Variants in FGD5 observed in about 807,000 individuals in gnomAD.
The protein encoded by FGD5 is FYVE, RhoGEF and PH domain-containing protein 5.
FGD5 carries 28 observed loss-of-function variants against 133.4 expected under a neutral mutation model. The ratio of observed to expected loss-of-function variants is 0.21; its 90% confidence interval spans 0.16 to 0.29. FGD5 has a LOEUF of 0.29. FGD5 is among the 10% of genes least tolerant of loss of function. FGD5 has a pLI of 1.00. For synonymous variants in FGD5, 810 were observed against 776.5 expected (o/e 1.04, Z -0.72); for missense variants, 1,858 against 1,895.2 (o/e 0.98, Z 0.36).
At chr3:14,817,274 C>T (rs2036384507), upstream of FGD5, among the ~76,000 whole-genome samples, 1 of 143,520 alleles carries the variant, frequency 7.0e-6, no homozygotes, top group Non-Finnish European at 1.6e-5. Context: ...TGGCTTATTG[C>T]AACCTCTGTC....
rs71038439 is a variant in FGD5 at position 14,839,933 on chromosome 3, AAAACAAACAAAC to A, written c.2525+18359_2525+18370del. On this transcript the variant is annotated intron_variant, in intron 1 of 19. Transcript: ENST00000285046. ...GGGCAACTGAGCAAGACTGTCTCAA[AAAACAAACAAAC>A]AAACAAACAAACAAACAAACAGTGT... is the stretch of plus-strand genomic sequence containing the variant. Among the ~76,000 whole-genome samples, 115 of 149,664 alleles carry A rather than the reference AAAACAAACAAAC, an allele frequency of 7.7e-4. 1 individual carries two copies. Among genetic ancestry groups the A allele is most frequent in the Non-Finnish European group, 1.2e-3 (82 of 67,540 alleles).
rs773067439 is a variant in FGD5, at chr3:14,821,412, A to G, written c.2341A>G (p.Asn781Asp). Residue 781 changes from asparagine to aspartate, a missense_variant, in exon 1 of 20, where the codon AAC (asparagine) becomes GAC (aspartate). Asn to Asp is a conservative substitution (Grantham distance 23, BLOSUM62 1). Around this residue, in one of 3 missense-constraint regions of FGD5, gnomAD observed 1,824 missense variants for 1,848.9 expected, o/e 0.99. Transcript: ENST00000285046. ...TSDYENIPAM[N>D]SDYENIQIPP... ...AGACTATGAGAACATTCCAGCCATG[A>G]ACTCGGACTATGAGAATATCCAGAT... is the stretch of plus-strand genomic sequence containing the variant. 6.6e-5 allele frequency: 107 copies of G among 1,613,914 alleles called. No homozygotes were observed. The highest frequency in any genetic ancestry group is 2.5e-5 in the Non-Finnish European group (29 of 1,179,906).
chr3:14,924,057 C>T lies in FGD5; in HGVS notation c.3987C>T (p.Gly1329=), dbSNP rs2038741366. The T allele has an allele frequency of 4.3e-6, 7 of 1,614,058 alleles. No individual in the cohort carries two copies. Among genetic ancestry groups the T allele is most frequent in the Non-Finnish European group, 5.1e-6 (6 of 1,179,904 alleles). ...CGCTGTCTTCACCCCGCTTCTCGGG[C>T]AGTGCCTTTTCATCCGTCTTCCAGA... ...SFPLSSPRFS[G]SAFSSVFQSI... Residue 1329 remains glycine, a synonymous_variant, in exon 17 of 20, where the codon GGC becomes GGT. Coordinates refer to ENST00000285046, the MANE Select transcript of FGD5 (RefSeq NM_152536.4).
At chr3:14,812,144 G>A (rs114493535) in intron 1 of FGD5, among the ~76,000 whole-genome samples, 3,795 of 152,292 alleles carry the variant, frequency 0.025, 167 homozygotes, top group African/African-American at 0.084. Context: ...CTGGGAGTGT[G>A]GCAGCCACCT....
chr3:14,901,855 C>G (rs1367415377), intron 9 of FGD5, among the ~76,000 whole-genome samples: 1 of 152,184 alleles, frequency 6.6e-6, no homozygotes, highest in African/African-American at 2.4e-5. Context: ...AGTGGAGATA[C>G]AAGCCCTTGA....
intron 1 of FGD5, among the ~76,000 whole-genome samples, chr3:14,854,446 C>G (rs553205369): frequency 7.4e-5 from 10 of 134,890 alleles, no homozygotes; most frequent in African/African-American, 1.1e-4. Flanking sequence ...GAGACGAGCT[C>G]ACTCTGTCGC....
chr3:14,847,132 A>T (rs2037066385), intron 1 of FGD5, among the ~76,000 whole-genome samples: 1 of 152,154 alleles, frequency 6.6e-6, no homozygotes, highest in Admixed American at 6.5e-5. Flanking sequence ...CACCATACTG[A>T]TAAAGACTTT....
chr3:14,817,176 A>G (rs1318411591), upstream of FGD5, among the ~76,000 whole-genome samples: 2 of 152,362 alleles, frequency 1.3e-5, no homozygotes, highest in Non-Finnish European at 1.5e-5. Flanking sequence ...ATTGAGTCCA[A>G]TAAAATATAT....
At chr3:14,845,271 A>T (rs2125089264) in intron 1 of FGD5, among the ~76,000 whole-genome samples, 1 of 152,264 alleles carries the variant, frequency 6.6e-6, no homozygotes, top group Non-Finnish European at 1.5e-5. Flanking sequence ...TTCTGAAATC[A>T]TCCTCAACTT....
intron 12 of FGD5, among the ~76,000 whole-genome samples, chr3:14,918,269 C>T (rs553540499): frequency 3.3e-5 from 5 of 152,272 alleles, no homozygotes; most frequent in South Asian, 2.1e-4. Context: ...GAGCCGCAGG[C>T]GGTTGTCATT....
At chr3:14,864,402 C>A in intron 2 of FGD5, 142 bp downstream of exon 2, 1 of 1,330,754 alleles carries the variant, frequency 7.5e-7, no homozygotes, top group Non-Finnish European at 1.0e-6. Flanking sequence ...CTGAGACACG[C>A]AGCATCAGGG....
chr3:14,844,276 C>A (rs2037001156), intron 1 of FGD5, among the ~76,000 whole-genome samples: 4 of 81,538 alleles, frequency 4.9e-5, no homozygotes, highest in Admixed American at 1.6e-4. Flanking sequence ...ATATATAATG[C>A]AGGTTTCCAG....
upstream of FGD5, among the ~76,000 whole-genome samples, chr3:14,817,643 A>T (rs1435111866): frequency 6.6e-6 from 1 of 152,204 alleles, no homozygotes; most frequent in Non-Finnish European, 1.5e-5. Flanking sequence ...CATGAGTGGG[A>T]AGAGAAGAGT....
chr3:14,910,779 C>T (rs1206886402), intron 10 of FGD5, 82 bp from the exon 11 acceptor site: 41 of 1,280,934 alleles, frequency 3.2e-5, no homozygotes, highest in Middle Eastern at 1.9e-4. Flanking sequence ...TTTAAGTTTC[C>T]ACTCAGGGGC....
intron 9 of FGD5, 65 bp from the exon 10 acceptor site, chr3:14,907,575 C>A: frequency 6.8e-7 from 1 of 1,465,240 alleles, no homozygotes; most frequent in Non-Finnish European, 9.5e-7. Flanking sequence ...CCATGCCTTA[C>A]AGAGGAGATA....
chr3:14,879,606 CAA>C (rs1426817485), intron 2 of FGD5, among the ~76,000 whole-genome samples: 2 of 152,238 alleles, frequency 1.3e-5, no homozygotes, highest in African/African-American at 4.8e-5. Context: ...TTTCAGTCAA[CAA>C]AGAGAACTAC....
intron 1 of FGD5, among the ~76,000 whole-genome samples, chr3:14,832,789 T>G (rs1020299144): frequency 6.6e-6 from 1 of 152,150 alleles, no homozygotes; most frequent in East Asian, 1.9e-4. Flanking sequence ...GGAAATTTTC[T>G]TAATGCAGGT....
intron 2 of FGD5, among the ~76,000 whole-genome samples, chr3:14,874,614 C>T (rs2037680945): frequency 6.6e-6 from 1 of 152,160 alleles, no homozygotes; most frequent in African/African-American, 2.4e-5. Flanking sequence ...TAGGAGATCA[C>T]TGGAAGGAAA....
chr3:14,908,077 A>G (rs1468508166), intron 10 of FGD5, among the ~76,000 whole-genome samples: 3 of 152,226 alleles, frequency 2.0e-5, no homozygotes, highest in East Asian at 1.9e-4. Flanking sequence ...TTTTCTTAAA[A>G]ATAACATTCT....
Sources: allele counts gnomAD v4.1 joint callset (sites outside exome capture counted in the v4.1 genomes callset), GRCh38; gene constraint gnomAD v4.1.1; regional missense constraint gnomAD v4.1.1; transcripts MANE v1.5; gene names NCBI Gene and HGNC (gene_info 2026-07-23, HGNC 2026-07-21).